VPS26B: variants seen among roughly 807,000 people sequenced by gnomAD.
VPS26B encodes the protein VPS26 retromer complex component B.
Under a neutral mutation model 33.3 loss-of-function variants are expected in VPS26B, and 10 were observed. That is an observed-to-expected ratio of 0.30 (90% CI 0.19 to 0.51). The LOEUF is 0.51. VPS26B is among the 20% of genes least tolerant of loss of function. The pLI, the probability that VPS26B is intolerant of heterozygous loss-of-function variation, is 0.98. For missense variants in VPS26B, 317 were observed against 452.7 expected, an observed-to-expected ratio of 0.70 and a Z score of 2.72; for synonymous variants, 190 against 176.9, an observed-to-expected ratio of 1.07 and a Z score of -0.59.
At chr11:134,229,401 G>T (rs1043045597) in intron 1 of VPS26B, among the ~76,000 whole-genome samples, 1 of 152,132 alleles carries the variant, frequency 6.6e-6, no homozygotes, top group African/African-American at 2.4e-5. Flanking sequence ...ACACGTCTTT[G>T]AAGCTGTCTG....
At position 134,225,117 on chromosome 11, in the gene VPS26B, G is replaced by T. The variant is rs746158981; in HGVS notation, c.-6G>T. 9 of 1,597,332 alleles carry T rather than the reference G, an allele frequency of 5.6e-6. No individual in the cohort carries two copies. In the South Asian group the frequency reaches 7.8e-5, roughly 14 times the overall value. On this transcript the variant is annotated 5_prime_UTR_variant, in exon 1 of 6. Coordinates refer to ENST00000281187, the MANE Select transcript of VPS26B (RefSeq NM_052875.5). Reference sequence around the variant, plus strand: ...CTTACCGAGACCCGCCCGGCCCGGCGGTGCGATGAGCTTCTTCGGCTTCGG... The same window carrying T: ...CTTACCGAGACCCGCCCGGCCCGGCTGTGCGATGAGCTTCTTCGGCTTCGG...
rs1339519381 is a variant in VPS26B at position 134,224,849 on chromosome 11, G to C, written c.-274G>C. ...CCCACTGCCACCGGCCGCGGGACTG[G>C]CTGGGACTGGCTCGGCCGAGGGCAC... On this transcript the variant is annotated 5_prime_UTR_variant, in exon 1 of 6. Transcript: ENST00000281187. 3 of 161,900 alleles carry C rather than the reference G, an allele frequency of 1.9e-5. No individual in the cohort carries two copies. Among genetic ancestry groups the C allele is most frequent in the Non-Finnish European group, 4.0e-5 (3 of 74,854 alleles). The allele number at this position is 161,900 out of a possible 1,614,324, so 10.0% of individuals were successfully genotyped here. A position where few individuals can be genotyped will look rare whatever the true frequency, so the allele number is the denominator to read the frequency against.
chr11:134,232,155 C>G (rs1938563969), intron 1 of VPS26B, among the ~76,000 whole-genome samples: 2 of 152,208 alleles, frequency 1.3e-5, no homozygotes, highest in African/African-American at 4.8e-5. Context: ...GTTCCTACTT[C>G]TAGCCTGACA....
chr11:134,239,039 C>T (rs1485464540), intron 2 of VPS26B, among the ~76,000 whole-genome samples: 1 of 152,116 alleles, frequency 6.6e-6, no homozygotes, highest in Non-Finnish European at 1.5e-5. Context: ...TAAAGAGCTC[C>T]TCCTCATTGA....
chr11:134,245,301 T>C lies in VPS26B; in HGVS notation c.865-143T>C. On this transcript the variant is annotated intron_variant, in intron 5 of 5. Coordinates refer to ENST00000281187, the MANE Select transcript of VPS26B (RefSeq NM_052875.5). This position sits in a 1 kb window ranked among gnomAD's most constrained non-coding sequence, Gnocchi z 4.7. Reference sequence around the variant, plus strand: ...TTGGCCCACACCAGGGACAGGGAGGTGCTGGCAGCTGCTGCCTTTGGTGAG... The same window carrying C: ...TTGGCCCACACCAGGGACAGGGAGGCGCTGGCAGCTGCTGCCTTTGGTGAG... 1 of 1,339,284 alleles carries C rather than the reference T, an allele frequency of 7.5e-7. No homozygotes were observed. The highest frequency in any genetic ancestry group is 1.0e-6 in the Non-Finnish European group (1 of 982,946). The allele number at this position is 1,339,284 out of a possible 1,614,324, so 83.0% of individuals were successfully genotyped here. A position where few individuals can be genotyped will look rare whatever the true frequency, so the allele number is the denominator to read the frequency against.
chr11:134,243,226 G>T lies in VPS26B; in HGVS notation c.653G>T (p.Gly218Val), dbSNP rs1346736700. 1 of 1,614,034 alleles carries T rather than the reference G, an allele frequency of 6.2e-7. No homozygotes were observed. Among genetic ancestry groups the T allele is most frequent in the Non-Finnish European group, 8.5e-7 (1 of 1,180,030 alleles). ...ATCAAGCGAGAAACGACGGGTACAG[G>T]CCCCAACGTGTACCATGAGAATGAC... is the stretch of plus-strand genomic sequence containing the variant. ...DIIKRETTGTGPNVYHENDTI... is the reference protein window; with the variant it reads ...DIIKRETTGTVPNVYHENDTI... The change falls in exon 4 of 6, where the codon GGC (glycine) becomes GTC (valine). Residue 218 changes from glycine to valine, a missense_variant. Physicochemically the swap from Gly to Val is moderately radical, Grantham distance 109. Coordinates refer to ENST00000281187, the MANE Select transcript of VPS26B (RefSeq NM_052875.5).
rs1938692188 is a variant in VPS26B at position 134,239,981 on chromosome 11, T to C, written c.381-10T>C. 2 of 1,613,952 alleles carry C rather than the reference T, an allele frequency of 1.2e-6. No homozygotes were observed. ...GGAGTGTTTATTCATGACAGTTCCG[T>C]CTCCTACAGCTATTTCCTTCGTGCT... On this transcript the variant is annotated splice_polypyrimidine_tract_variant and intron_variant, in intron 2 of 5. Transcript: ENST00000281187.
intron 1 of VPS26B, among the ~76,000 whole-genome samples, chr11:134,229,836 A>G (rs1244193423): frequency 2.0e-5 from 3 of 151,970 alleles, no homozygotes; most frequent in East Asian, 1.9e-4. Context: ...TCGCCTCCCT[A>G]TTGGTTAATG....
chr11:134,242,082 C>T (rs1283453571), intron 3 of VPS26B, among the ~76,000 whole-genome samples: 1 of 152,214 alleles, frequency 6.6e-6, no homozygotes, highest in East Asian at 1.9e-4. Flanking sequence ...TTCTGTATAA[C>T]ATTTAGAATA....
At chr11:134,229,083 G>A (rs930970721) in intron 1 of VPS26B, among the ~76,000 whole-genome samples, 1 of 152,148 alleles carries the variant, frequency 6.6e-6, no homozygotes, top group Non-Finnish European at 1.5e-5. Context: ...AGGCTAGAGT[G>A]CAGTGCCACG....
Position 134,244,908 on chromosome 11 carries a change from C to G in VPS26B, c.722-30C>G. ...TAAGGGAGAGGGCATCACCTTGCCC[C>G]CTGTGCTGACTCCTGCCCTCCCCCT... On this transcript the variant is annotated intron_variant, in intron 4 of 5. Coordinates refer to ENST00000281187, the MANE Select transcript of VPS26B (RefSeq NM_052875.5). The surrounding 1 kb of genome is among the most constrained non-coding windows in gnomAD (Gnocchi z 4.0). The G allele has an allele frequency of 1.2e-6, 2 of 1,606,222 alleles. No individual in the cohort carries two copies. The highest frequency in any genetic ancestry group is 1.7e-6 in the Non-Finnish European group (2 of 1,178,630).
chr11:134,229,969 G>C (rs1345504004), intron 1 of VPS26B, among the ~76,000 whole-genome samples: 1 of 152,076 alleles, frequency 6.6e-6, no homozygotes, highest in Non-Finnish European at 1.5e-5. Flanking sequence ...CTGGAATCTT[G>C]GTATTTTCCC....
chr11:134,227,187 G>C (rs1938491693), intron 1 of VPS26B, among the ~76,000 whole-genome samples: 1 of 152,238 alleles, frequency 6.6e-6, no homozygotes, highest in South Asian at 2.1e-4. Context: ...ATCCTCTGGA[G>C]GGTAAAATCA....
Position 134,244,030 on chromosome 11 carries a change from G to A in VPS26B, c.721+736G>A, listed in dbSNP as rs1180391365. ...TTACTCCCACAGGCTGTTCCATGTG[G>A]AAGGAGGAGCGCCACAGATTTAGCT... On this transcript the variant is annotated intron_variant, in intron 4 of 5. Coordinates refer to ENST00000281187, the MANE Select transcript of VPS26B (RefSeq NM_052875.5). The surrounding 1 kb of genome is among the most constrained non-coding windows in gnomAD (Gnocchi z 4.0). The A allele has an allele frequency of 6.6e-6, 1 of 152,202 alleles. No individual in the cohort carries two copies. Among genetic ancestry groups the A allele is most frequent in the East Asian group, 1.9e-4 (1 of 5,194 alleles). 9.4% of individuals were successfully genotyped at this position (152,202 alleles called of 1,614,324 possible).
At chr11:134,227,054 G>A (rs1210195867) in intron 1 of VPS26B, among the ~76,000 whole-genome samples, 2 of 152,180 alleles carry the variant, frequency 1.3e-5, no homozygotes, top group African/African-American at 4.8e-5. Context: ...GCAGCACTGT[G>A]ATGTCTGGCA....
intron 1 of VPS26B, among the ~76,000 whole-genome samples, chr11:134,226,568 G>A (rs770931934): frequency 6.6e-6 from 1 of 152,162 alleles, no homozygotes; most frequent in South Asian, 2.1e-4. Context: ...AAAATAAGTT[G>A]TTTTTGTCGT....
At chr11:134,226,770 G>A (rs895482811) in intron 1 of VPS26B, among the ~76,000 whole-genome samples, 1 of 152,260 alleles carries the variant, frequency 6.6e-6, no homozygotes, top group South Asian at 2.1e-4. Context: ...CAGGAAACAC[G>A]GAGACACAGG....
chr11:134,238,720 C>T (rs915537256), intron 2 of VPS26B, among the ~76,000 whole-genome samples: 5 of 152,058 alleles, frequency 3.3e-5, no homozygotes, highest in Admixed American at 1.3e-4. Context: ...CTCAGCCTCC[C>T]GAGTAGCTGG....
chr11:134,225,358 C>T lies in VPS26B; in HGVS notation c.223+13C>T. The T allele has an allele frequency of 6.2e-7, 1 of 1,612,768 alleles. No homozygotes were observed. The highest frequency in any genetic ancestry group is 1.3e-5 in the African/African-American group (1 of 74,982). ...ATCGGGCAGATCGGTGAGTCGACCC[C>T]CGGGACCCCCTCCCCCAGCGCCGAC... is the stretch of plus-strand genomic sequence containing the variant. On this transcript the variant is annotated intron_variant, in intron 1 of 5. Transcript: ENST00000281187.
Sources: gnomAD v4.1 joint callset for allele counts (sites outside exome capture counted in the v4.1 genomes callset) on GRCh38, gnomAD v4.1.1 for gene constraint, Gnocchi (gnomAD v3.1) non-coding constraint, MANE v1.5 for transcripts, NCBI Gene and HGNC (gene_info 2026-07-23, HGNC 2026-07-21) for gene names.